Variants in AGL observed in about 807,000 individuals in gnomAD.
The protein encoded by AGL is amylo-alpha-1,6-glucosidase and 4-alpha-glucanotransferase, also known as glycogen debranching enzyme.
AGL carries 128 observed loss-of-function variants against 199.3 expected under a neutral mutation model. The ratio of observed to expected loss-of-function variants is 0.64; its 90% CI spans 0.56 to 0.74. The LOEUF (loss-of-function observed/expected upper bound fraction) is 0.74, where lower values mean the gene tolerates loss of function less well. Ranked by LOEUF, AGL falls within the 30% of genes least tolerant of loss-of-function variation. The probability of loss-of-function intolerance (pLI) is 0.00; values close to 1 mark genes in which losing one functional copy is unlikely to be tolerated. For missense variants in AGL, 1,809 were observed against 1,820.8 expected (o/e 0.99, Z 0.12); for synonymous variants, 584 against 594.7 (o/e 0.98, Z 0.26).
chr1:99,876,340 G>C (rs1293170828), intron 10 of AGL, 118 bp from the exon 11 acceptor site: 3 of 794,704 alleles, frequency 3.8e-6, no homozygotes, highest in Non-Finnish European at 3.9e-6. Flanking sequence ...CCTATAAATA[G>C]CATCAAACTT....
intron 28 of AGL, among the ~76,000 whole-genome samples, 164 bp from the exon 29 acceptor site, chr1:99,912,241 G>GA (rs1654797758): frequency 6.6e-6 from 1 of 152,032 alleles, no homozygotes; most frequent in Non-Finnish European, 1.5e-5. Flanking sequence ...ACCGTGAGAG[G>GA]AAAAAATCTT....
intron 4 of AGL, among the ~76,000 whole-genome samples, chr1:99,862,811 C>T (rs1001057472): frequency 6.6e-6 from 1 of 152,140 alleles, no homozygotes; most frequent in Non-Finnish European, 1.5e-5. Context: ...TCACCAGGCC[C>T]CTCCTCCAAC....
At chr1:99,899,530 T>TTTC (rs1653630900) in intron 25 of AGL, among the ~76,000 whole-genome samples, 2 of 146,858 alleles carry the variant, frequency 1.4e-5, no homozygotes, top group East Asian at 2.0e-4. Flanking sequence ...CTCTCTCTCT[T>TTTC]TCTCTCTCTC....
chr1:99,855,070 G>A (rs1165196740), intron 2 of AGL, among the ~76,000 whole-genome samples: 1 of 151,900 alleles, frequency 6.6e-6, no homozygotes, highest in Non-Finnish European at 1.5e-5. Flanking sequence ...GCGTGCTGGC[G>A]GGTGCCTGTA....
intron 27 of AGL, among the ~76,000 whole-genome samples, chr1:99,909,633 C>G (rs1020728647): frequency 4.6e-5 from 7 of 151,666 alleles, no homozygotes; most frequent in African/African-American, 1.5e-4. Context: ...CTCACCCAGA[C>G]TGGTATATAT....
chr1:99,864,511 G>A lies in AGL; in HGVS notation c.586G>A (p.Asp196Asn). Residue 196 changes from aspartate (D) to asparagine (N), a missense_variant, in exon 5 of 34, where the codon GAT becomes AAT. Physicochemically the swap from Asp to Asn is conservative, Grantham distance 23 (BLOSUM62 1). Coordinates refer to ENST00000361915, the MANE Select transcript of AGL (RefSeq NM_000642.3). ...ACCTAATAGAAAGTATACCTGGAAT[G>A]ATGTTGGACAGCTAGTGGAAAAATT... ...SRPNRKYTWNDVGQLVEKLKK... is the reference protein window; with the variant it reads ...SRPNRKYTWNNVGQLVEKLKK... 6.2e-7 allele frequency: 1 copy of A among 1,613,856 alleles called. No homozygotes were observed. Among genetic ancestry groups the A allele is most frequent in the South Asian group, 1.1e-5 (1 of 91,076 alleles).
chr1:99,891,448 T>C, intron 22 of AGL, 92 bp downstream of exon 22: 1 of 1,533,718 alleles, frequency 6.5e-7, no homozygotes, highest in Non-Finnish European at 8.9e-7. Context: ...TTTTCTAACC[T>C]GAACCATTTT....
At chr1:99,902,876 G>T (rs1262143004) in intron 27 of AGL, 82 bp downstream of exon 27, 6 of 1,074,104 alleles carry the variant, frequency 5.6e-6, no homozygotes, top group Non-Finnish European at 5.6e-6. Flanking sequence ...GTAAATATTT[G>T]TGTGCCAAAC....
In AGL at chr1:99,881,342, A is replaced by G; in HGVS notation, c.2052A>G (p.Ala684=). The G allele has an allele frequency of 1.9e-6, 3 of 1,614,152 alleles. No individual in the cohort carries two copies. Among genetic ancestry groups the G allele is most frequent in the South Asian group, 1.1e-5 (1 of 91,088 alleles). The change falls in exon 16 of 34, where the codon GCA becomes GCG. Residue 684 remains alanine (A), a synonymous_variant. Transcript: ENST00000361915. Reference sequence around the variant, plus strand: ...TTTACACTAAGTGGAATCCTGAAGCATTGCCTTCAAACACAGGTGAAGTTA... The same window carrying G: ...TTTACACTAAGTGGAATCCTGAAGCGTTGCCTTCAAACACAGGTGAAGTTA... ...ERFYTKWNPE[A]LPSNTGEVNF...
At chr1:99,863,426 A>G (rs1312906772) in intron 4 of AGL, among the ~76,000 whole-genome samples, 1 of 152,200 alleles carries the variant, frequency 6.6e-6, no homozygotes, top group Middle Eastern at 3.2e-3. Flanking sequence ...ATTTTAATTC[A>G]ACAAACATTG....
chr1:99,857,779 C>T (rs962865167), intron 2 of AGL, among the ~76,000 whole-genome samples: 11 of 10,436 alleles, frequency 1.1e-3, no homozygotes, highest in African/African-American at 3.5e-3. Context: ...CCAGCCTTGG[C>T]TCGGCATCAG....
In AGL at chr1:99,885,081, T is replaced by G. The variant is rs538510177; in HGVS notation, c.2681+378T>G. 4.2e-4 allele frequency among the ~76,000 whole-genome samples: 64 copies of G among 152,346 alleles called. No individual in the cohort carries two copies. In the East Asian group the frequency reaches 7.7e-3, roughly 18 times the overall value. On this transcript the variant is annotated intron_variant, in intron 20 of 33. Transcript: ENST00000361915. ...TTCTACTTTATGGCTTTACCATAAT[T>G]TATTTAAACAATTTCCATTTTTGGA...
intron 26 of AGL, 116 bp from the exon 27 acceptor site, chr1:99,902,567 T>C (rs962200089): frequency 1.2e-6 from 1 of 834,764 alleles, no homozygotes; most frequent in African/African-American, 1.7e-5. Context: ...CCCCAATTCC[T>C]ATTTCTCACT....
At chr1:99,895,923 G>T (rs564210223) in intron 24 of AGL, among the ~76,000 whole-genome samples, 1 of 152,140 alleles carries the variant, frequency 6.6e-6, no homozygotes, top group African/African-American at 2.4e-5. Context: ...TTACAGTGAC[G>T]CAAGACTGTG....
In AGL at chr1:99,862,241, TTG is replaced by T; in HGVS notation, c.294-14_294-13del. On this transcript the variant is annotated splice_polypyrimidine_tract_variant and intron_variant, in intron 3 of 33. Coordinates refer to ENST00000361915, the MANE Select transcript of AGL (RefSeq NM_000642.3). ...TATCACTGACTGAAAAGTTTTTGTTTTGTTTTTTCCCTTAGAAATGAGAAAAG... is the reference window on the plus strand; with the variant it reads ...TATCACTGACTGAAAAGTTTTTGTTTTTTTTTCCCTTAGAAATGAGAAAAG... 6.2e-7 allele frequency: 1 copy of T among 1,614,010 alleles called. No homozygotes were observed.
rs539188617 is a variant in AGL, at chr1:99,871,929, G to GA, written c.958+1068dup. ...GTTTCTTGTACTTAAGACTCTTTGT[G>GA]AAAAAAAATTCAATTTTATATATAA... On this transcript the variant is annotated intron_variant, in intron 7 of 33. Coordinates refer to ENST00000361915, the MANE Select transcript of AGL (RefSeq NM_000642.3). Among the ~76,000 whole-genome samples the GA allele has an allele frequency of 4.6e-5, 7 of 150,958 alleles. No individual in the cohort carries two copies. The South Asian group carries it at 1.5e-3, about 31-fold the overall frequency.
chr1:99,850,031 T>C (rs1299993031), upstream of AGL: 1 of 152,292 alleles, frequency 6.6e-6, no homozygotes, highest in Non-Finnish European at 1.5e-5. Flanking sequence ...ACTGAGACGG[T>C]GCGGTGCCCA....
intron 2 of AGL, among the ~76,000 whole-genome samples, chr1:99,856,362 C>CCCTTCCTT (rs1430819978): frequency 1.1e-5 from 1 of 88,416 alleles, no homozygotes; most frequent in South Asian, 4.2e-4. Flanking sequence ...CTCCCTCCCT[C>CCCTTCCTT]CCTTCCTTCC....
chr1:99,891,107 A>T, intron 21 of AGL, 113 bp from the exon 22 acceptor site: 7 of 1,325,220 alleles, frequency 5.3e-6, no homozygotes, highest in Non-Finnish European at 7.6e-6. Context: ...TGTGCCTCTA[A>T]TACGTATTCA....
Sources: gnomAD v4.1 joint callset for allele counts (sites outside exome capture counted in the v4.1 genomes callset) on GRCh38, gnomAD v4.1.1 for gene constraint, MANE v1.5 for transcripts, NCBI Gene and HGNC (gene_info 2026-07-23, HGNC 2026-07-21) for gene names.